The following EIF3J variants were observed in gnomAD, a reference collection of about 807,000 sequenced individuals.
EIF3J encodes the protein eukaryotic translation initiation factor 3, subunit 1 (alpha, 35kD).
In EIF3J, 15 loss-of-function variants were observed where a neutral mutation model predicts 39.0. The ratio of observed to expected loss-of-function variants is 0.38; its 90% CI spans 0.26 to 0.59. The LOEUF (loss-of-function observed/expected upper bound fraction) is 0.59. Among genes scored for constraint, EIF3J ranks in the 20% least tolerant of loss-of-function variants. EIF3J has a pLI of 0.60. For missense variants in EIF3J, 226 were observed against 308.6 expected (o/e 0.73, Z 2.00); for synonymous variants, 98 against 112.9 (o/e 0.87, Z 0.84).
At chr15:44,537,294 G>C in intron 1 of EIF3J, 30 bp from the exon 2 acceptor site, 1 of 1,563,454 alleles carries the variant, frequency 6.4e-7, no homozygotes, top group Non-Finnish European at 8.7e-7. Context: ...CGCAGTGGCA[G>C]GCACTAACAC....
intron 2 of EIF3J, among the ~76,000 whole-genome samples, chr15:44,548,891 T>C (rs778744953): frequency 5.9e-5 from 9 of 152,064 alleles, no homozygotes; most frequent in Non-Finnish European, 1.2e-4. Context: ...ATTCAAACCA[T>C]AGCCCAGGGA....
At position 44,561,297 on chromosome 15, in the gene EIF3J, T is replaced by C. The variant is rs1057315760; in HGVS notation, c.*148T>C. On this transcript the variant is annotated 3_prime_UTR_variant, in exon 8 of 8. Transcript: ENST00000261868. Reference sequence around the variant, plus strand: ...GTTATTTAACCCCTTGACACTTAGGTGCTAATGTGCAAATGAGGGAACTTG... The same window carrying C: ...GTTATTTAACCCCTTGACACTTAGGCGCTAATGTGCAAATGAGGGAACTTG... 3 of 909,828 alleles carry C rather than the reference T, an allele frequency of 3.3e-6. No homozygotes were observed. Among genetic ancestry groups the C allele is most frequent in the Non-Finnish European group, 4.7e-6 (3 of 639,550 alleles). 56.4% of individuals were successfully genotyped at this position (909,828 alleles called of 1,614,324 possible). A position where few individuals can be genotyped will look rare whatever the true frequency, so the allele number is the denominator to read the frequency against.
At chr15:44,540,249 A>G (rs1567115159) in intron 2 of EIF3J, among the ~76,000 whole-genome samples, 1 of 45,432 alleles carries the variant, frequency 2.2e-5, no homozygotes, top group Non-Finnish European at 4.7e-5. Flanking sequence ...ATATATATAT[A>G]TATATATATA....
At chr15:44,541,315 A>G (rs2082012877) in intron 2 of EIF3J, among the ~76,000 whole-genome samples, 1 of 152,254 alleles carries the variant, frequency 6.6e-6, no homozygotes, top group Admixed American at 6.5e-5. Context: ...GCATTTCAGT[A>G]GAACAGTTTA....
At chr15:44,537,560 T>A in intron 2 of EIF3J, 133 bp downstream of exon 2, 1 of 915,524 alleles carries the variant, frequency 1.1e-6, no homozygotes, top group Non-Finnish European at 1.5e-6. Context: ...GGCGGTGCTC[T>A]CTTCCCCTCC....
intron 2 of EIF3J, among the ~76,000 whole-genome samples, chr15:44,546,241 A>G (rs1302530161): frequency 1.3e-5 from 2 of 152,218 alleles, no homozygotes; most frequent in East Asian, 1.9e-4. Flanking sequence ...TTACTCAAAT[A>G]ATGACTAGCT....
intron 2 of EIF3J, among the ~76,000 whole-genome samples, chr15:44,550,249 G>T (rs2082088163): frequency 6.6e-6 from 1 of 152,126 alleles, no homozygotes; most frequent in East Asian, 1.9e-4. Context: ...ATTCAGTAAG[G>T]TAGCAGGATA....
intron 5 of EIF3J, among the ~76,000 whole-genome samples, chr15:44,554,911 G>C (rs539419657): frequency 3.3e-4 from 50 of 152,332 alleles, no homozygotes; most frequent in Non-Finnish European, 6.8e-4. Flanking sequence ...AAAAGGAGTA[G>C]ACTCAGATGA....
chr15:44,560,421 C>A, intron 7 of EIF3J, 99 bp downstream of exon 7: 2 of 1,121,136 alleles, frequency 1.8e-6, no homozygotes, highest in Non-Finnish European at 1.3e-6. Context: ...AATTAAAAGT[C>A]AAGCAACTCA....
chr15:44,539,737 T>C (rs996324612), intron 2 of EIF3J, among the ~76,000 whole-genome samples: 6 of 149,870 alleles, frequency 4.0e-5, no homozygotes, highest in Admixed American at 2.0e-4. Flanking sequence ...TTTTTCTTTT[T>C]TTTTTTTTTT....
chr15:44,537,217 CGGG>C lies in EIF3J; in HGVS notation c.26_28del (p.Gly9del), dbSNP rs767949162. 8.1e-6 allele frequency: 13 copies of C among 1,598,192 alleles called. No individual in the cohort carries two copies. In the South Asian group the frequency reaches 1.5e-4, roughly 18 times the overall value. On this transcript the variant is annotated inframe_deletion, in exon 1 of 8. Transcript: ENST00000261868. ...GAGATGGCGGCGGCGGCGGCGGCGGCGGGGGACTCGGACTCCTGGGGTGAGGAG... is the reference window on the plus strand; with the variant it reads ...GAGATGGCGGCGGCGGCGGCGGCGGCGGACTCGGACTCCTGGGGTGAGGAG...
intron 7 of EIF3J, among the ~76,000 whole-genome samples, chr15:44,560,782 T>C (rs772301068): frequency 2.6e-5 from 4 of 152,322 alleles, no homozygotes; most frequent in East Asian, 3.9e-4. Flanking sequence ...CAATAACTTA[T>C]AACCCCTGCT....
At chr15:44,538,982 G>T (rs917778870) in intron 2 of EIF3J, among the ~76,000 whole-genome samples, 1 of 152,064 alleles carries the variant, frequency 6.6e-6, no homozygotes, top group South Asian at 2.1e-4. Context: ...TAACTTCCTT[G>T]GGATTAAGGG....
chr15:44,560,935 G>GTGTT, intron 7 of EIF3J, 83 bp from the exon 8 acceptor site: 4 of 1,536,364 alleles, frequency 2.6e-6, no homozygotes, highest in Non-Finnish European at 3.5e-6. Context: ...AGGTTTTTGT[G>GTGTT]TGTTTGTTTA....
intron 5 of EIF3J, among the ~76,000 whole-genome samples, chr15:44,556,893 C>G (rs1179368123): frequency 6.6e-6 from 1 of 152,096 alleles, no homozygotes; most frequent in African/African-American, 2.4e-5. Context: ...CTCCTGGCCT[C>G]AAGCGATCCT....
intron 6 of EIF3J, chr15:44,558,642 G>C (rs2082164870): frequency 6.6e-6 from 1 of 152,132 alleles, no homozygotes; most frequent in South Asian, 2.1e-4. Context: ...GTTTCACCAT[G>C]TTGGCCAGGC....
At chr15:44,550,739 C>T in intron 2 of EIF3J, 137 bp from the exon 3 acceptor site, 1 of 608,138 alleles carries the variant, frequency 1.6e-6, no homozygotes, top group African/African-American at 1.9e-5. Context: ...TGTCAATTCC[C>T]CCTACATTAA....
chr15:44,555,204 A>C (rs1437677723), intron 5 of EIF3J, among the ~76,000 whole-genome samples: 1 of 152,218 alleles, frequency 6.6e-6, no homozygotes, highest in Non-Finnish European at 1.5e-5. Context: ...ATAAAAGTGC[A>C]GGATCCTATA....
At chr15:44,543,081 G>A (rs1259327871) in intron 2 of EIF3J, among the ~76,000 whole-genome samples, 2 of 152,072 alleles carry the variant, frequency 1.3e-5, no homozygotes, top group African/African-American at 4.8e-5. Flanking sequence ...CAAAAAATTG[G>A]GCATATTTTT....
Sources: allele counts gnomAD v4.1 joint callset (sites outside exome capture counted in the v4.1 genomes callset), GRCh38; gene constraint gnomAD v4.1.1; transcripts MANE v1.5; gene names NCBI Gene and HGNC (gene_info 2026-07-23, HGNC 2026-07-21).